Variants in PCDHA4 observed in about 807,000 individuals in gnomAD.
PCDHA4 encodes the protein protocadherin alpha-4.
A neutral mutation model predicts 61.4 loss-of-function variants in PCDHA4; 49 were observed. The observed-to-expected ratio is 0.80, with a 90% CI of 0.63 to 1.01. PCDHA4 has a LOEUF of 1.01. Ranked by LOEUF, PCDHA4 falls within the 50% of genes least tolerant of loss-of-function variation. The pLI is 0.00. For missense variants in PCDHA4, 1,254 were observed against 1,235.8 expected (o/e 1.01, Z -0.22); for synonymous variants, 590 against 550.3 (o/e 1.07, Z -1.01).
At position 140,807,310 on chromosome 5, in the gene PCDHA4, C is replaced by T. The variant is rs1554123873; in HGVS notation, c.123C>T (p.His41=). 14 of 1,613,996 alleles carry T rather than the reference C, an allele frequency of 8.7e-6. No individual in the cohort carries two copies. Among genetic ancestry groups the T allele is most frequent in the South Asian group, 2.2e-5 (2 of 91,086 alleles). Reference sequence around the variant, plus strand: ...ACTCGGTCTCCGAGGAGGCCAAACACGGCACCTTCGTGGGCCGCATCGCGC... The same window carrying T: ...ACTCGGTCTCCGAGGAGGCCAAACATGGCACCTTCGTGGGCCGCATCGCGC... ...LHYSVSEEAK[H]GTFVGRIAQD... is the part of the protein sequence containing the mutation. Residue 41 remains histidine (H), a synonymous_variant, in exon 1 of 4, where the codon CAC becomes CAT. Coordinates refer to ENST00000530339, the MANE Select transcript of PCDHA4 (RefSeq NM_018907.4).
intron 3 of PCDHA4, among the ~76,000 whole-genome samples, chr5:141,007,850 C>A (rs1299909821): frequency 6.6e-6 from 1 of 152,156 alleles, no homozygotes; most frequent in Non-Finnish European, 1.5e-5. Context: ...GACTCAAAGT[C>A]CTTAAAGGTC....
At chr5:140,951,373 C>T (rs1554219872) in intron 1 of PCDHA4, among the ~76,000 whole-genome samples, 1 of 151,996 alleles carries the variant, frequency 6.6e-6, no homozygotes, top group Non-Finnish European at 1.5e-5. Context: ...AAAGAAACAC[C>T]CAAGACTCGG....
chr5:140,873,225 A>G (rs1476513279), intron 1 of PCDHA4, among the ~76,000 whole-genome samples: 2 of 152,224 alleles, frequency 1.3e-5, no homozygotes, highest in African/African-American at 2.4e-5. Context: ...AGAGAAGGCA[A>G]CAATATAAAA....
chr5:140,834,613 T>C, intron 1 of PCDHA4: 2 of 1,614,054 alleles, frequency 1.2e-6, no homozygotes, highest in African/African-American at 1.3e-5. Flanking sequence ...CTTCTGGAGG[T>C]AAATCTGCAG....
In PCDHA4 at chr5:141,011,970, C is replaced by T. The variant is rs975637071; in HGVS notation, c.*2033C>T. ...AGCATTAAATTTAAAAAAAAACTGT[C>T]TTGTCTACTTTTAGCTTCATTCTCC... On this transcript the variant is annotated 3_prime_UTR_variant, in exon 4 of 4. Coordinates refer to ENST00000530339, the MANE Select transcript of PCDHA4 (RefSeq NM_018907.4). 6.5e-6 allele frequency: 1 copy of T among 153,576 alleles called. No homozygotes were observed. Among genetic ancestry groups the T allele is most frequent in the African/African-American group, 2.4e-5 (1 of 41,406 alleles). The allele number at this position is 153,576 out of a possible 1,614,324, so 9.5% of individuals were successfully genotyped here.
chr5:140,843,857 A>C, intron 1 of PCDHA4: 1 of 940,372 alleles, frequency 1.1e-6, no homozygotes, highest in Non-Finnish European at 1.6e-6. Context: ...TTTTATAATT[A>C]ATTGAATTTT....
intron 1 of PCDHA4, among the ~76,000 whole-genome samples, chr5:140,900,747 CTTGGTAGCTCTATT>C (rs545406022): frequency 3.1e-4 from 47 of 152,302 alleles, no homozygotes; most frequent in African/African-American, 1.1e-3. Flanking sequence ...TTCTGGATCA[CTTGGTAGCTCTATT>C]TTTGGCTTTT....
At chr5:140,874,436 C>T (rs1407636354) in intron 1 of PCDHA4, among the ~76,000 whole-genome samples, 3 of 152,286 alleles carry the variant, frequency 2.0e-5, no homozygotes, top group East Asian at 3.9e-4. Flanking sequence ...GAAGCATGTC[C>T]TAACTACTAA....
At chr5:141,005,313 T>C (rs1157761147) in intron 3 of PCDHA4, among the ~76,000 whole-genome samples, 1 of 151,958 alleles carries the variant, frequency 6.6e-6, no homozygotes, top group Non-Finnish European at 1.5e-5. Flanking sequence ...AATCTTACAG[T>C]GGTAGAGAAT....
At chr5:140,932,471 A>G (rs1056932090) in intron 1 of PCDHA4, among the ~76,000 whole-genome samples, 11 of 152,050 alleles carry the variant, frequency 7.2e-5, no homozygotes, top group African/African-American at 1.7e-4. Flanking sequence ...TATAGGAAAT[A>G]GGATATCTCC....
chr5:140,843,221 A>C (rs2150355439), intron 1 of PCDHA4: 1 of 1,595,692 alleles, frequency 6.3e-7, no homozygotes, highest in Non-Finnish European at 8.6e-7. Flanking sequence ...GATCAGCACC[A>C]CTCGTGTCCT....
At chr5:140,891,849 C>G (rs1446447359) in intron 1 of PCDHA4, among the ~76,000 whole-genome samples, 2 of 152,262 alleles carry the variant, frequency 1.3e-5, no homozygotes, top group African/African-American at 4.8e-5. Context: ...TGGAAGGAGC[C>G]TGTCCCTCTC....
chr5:140,863,997 T>A (rs1186516549), intron 1 of PCDHA4: 1 of 152,666 alleles, frequency 6.6e-6, no homozygotes, highest in African/African-American at 2.4e-5. Context: ...TGAAACTCTG[T>A]CTTAAAAAAA....
intron 1 of PCDHA4, chr5:140,835,520 T>C (rs2150237441): frequency 5.6e-6 from 9 of 1,613,956 alleles, no homozygotes; most frequent in Non-Finnish European, 6.8e-6. Flanking sequence ...ACCGAGATTT[T>C]GGAGTCAACG....
intron 1 of PCDHA4, chr5:140,812,071 G>A (rs181584073): frequency 6.0e-4 from 90 of 149,810 alleles, no homozygotes; most frequent in African/African-American, 1.9e-3. Flanking sequence ...TTTTGGAAGA[G>A]TTTGAAAACA....
intron 3 of PCDHA4, among the ~76,000 whole-genome samples, chr5:141,001,281 A>T (rs1239906088): frequency 6.6e-6 from 1 of 152,168 alleles, no homozygotes; most frequent in African/African-American, 2.4e-5. Context: ...TTTTTTACGG[A>T]TGAAAACTGA....
At chr5:140,822,728 A>C (rs1554128843) in intron 1 of PCDHA4, 1 of 1,612,954 alleles carries the variant, frequency 6.2e-7, no homozygotes, top group Non-Finnish European at 8.5e-7. Flanking sequence ...TATGAAATTA[A>C]TATTGATGCC....
chr5:140,848,561 A>C, intron 1 of PCDHA4: 1 of 1,595,546 alleles, frequency 6.3e-7, no homozygotes. Context: ...TGATCCTCGC[A>C]ATGTGGGTGG....
At chr5:140,899,217 C>T (rs1467184800) in intron 1 of PCDHA4, among the ~76,000 whole-genome samples, 1 of 152,040 alleles carries the variant, frequency 6.6e-6, no homozygotes, top group Non-Finnish European at 1.5e-5. Flanking sequence ...GCCAGAACTT[C>T]CAACACTATG....
Sources: gnomAD v4.1 joint callset for allele counts (sites outside exome capture counted in the v4.1 genomes callset) on GRCh38, gnomAD v4.1.1 for gene constraint, MANE v1.5 for transcripts, NCBI Gene and HGNC (gene_info 2026-07-23, HGNC 2026-07-21) for gene names.